VCP: variants seen among roughly 807,000 people sequenced by gnomAD.
VCP encodes the protein transitional endoplasmic reticulum ATPase.
VCP carries 6 observed loss-of-function variants against 85.7 expected under a neutral mutation model. The ratio of observed to expected loss-of-function variants is 0.07; its 90% CI spans 0.04 to 0.14. The LOEUF is 0.14. Among genes scored for constraint, VCP ranks in the 10% least tolerant of loss-of-function variants. VCP has a pLI of 1.00. For synonymous variants in VCP, 384 were observed against 367.1 expected (o/e 1.05, Z -0.53); for missense variants, 353 against 1,043.4 (o/e 0.34, Z 9.12).
intron 15 of VCP, 96 bp downstream of exon 15, chr9:35,058,968 C>T: frequency 6.4e-7 from 1 of 1,550,918 alleles, no homozygotes. Flanking sequence ...GTTAGATGAT[C>T]TTTCCAACAG....
At chr9:35,062,623 T>C (rs1414275686) in intron 7 of VCP, among the ~76,000 whole-genome samples, 1 of 152,094 alleles carries the variant, frequency 6.6e-6, no homozygotes, top group Non-Finnish European at 1.5e-5. Flanking sequence ...GCAAGAGAGA[T>C]GGCACACCAG....
chr9:35,059,330 C>T lies in VCP; in HGVS notation c.2005-111G>A, dbSNP rs1048546678. On this transcript the variant is annotated intron_variant, in intron 14 of 16. Transcript: ENST00000358901. The surrounding 1 kb of genome is among the most constrained non-coding windows in gnomAD (Gnocchi z 4.9). ...ACAGTTTGCCCCTTCTTTGGCCACC[C>T]CATTTTATTCCTGATTCTAGATTAT... 6 of 1,545,242 alleles carry T rather than the reference C, an allele frequency of 3.9e-6. No individual in the cohort carries two copies. The highest frequency in any genetic ancestry group is 5.3e-6 in the Non-Finnish European group (6 of 1,137,120).
intron 16 of VCP, 54 bp from the exon 17 acceptor site, chr9:35,057,276 T>C: frequency 6.2e-7 from 1 of 1,613,628 alleles, no homozygotes; most frequent in Admixed American, 1.7e-5. Flanking sequence ...CTGTGTAAGA[T>C]TTCCACAACT....
chr9:35,061,238 CAG>C, intron 10 of VCP, 59 bp from the exon 11 acceptor site: 16 of 1,607,960 alleles, frequency 1.0e-5, no homozygotes, highest in Non-Finnish European at 1.3e-5. Context: ...GCAGGAGGCT[CAG>C]AGACAATAGA....
In VCP at chr9:35,059,598, G is replaced by A; in HGVS notation, c.1899C>T (p.Ile633=). 1.2e-6 allele frequency: 2 copies of A among 1,614,164 alleles called. No individual in the cohort carries two copies. Reference sequence around the variant, plus strand: ...GCTGATCAAGACGGCCAGGTCTGAGGATGGCAGGATCAATGATGTCAGGCC... The same window carrying A: ...GCTGATCAAGACGGCCAGGTCTGAGAATGGCAGGATCAATGATGTCAGGCC... ...TNRPDIIDPA[I]LRPGRLDQLI... The change falls in exon 14 of 17, where the codon ATC becomes ATT. Residue 633 remains isoleucine, a synonymous_variant. Coordinates refer to ENST00000358901, the MANE Select transcript of VCP (RefSeq NM_007126.5). The surrounding 1 kb of genome is among the most constrained non-coding windows in gnomAD (Gnocchi z 4.9).
chr9:35,071,636 C>A (rs1828947351), intron 1 of VCP: 17 of 900,026 alleles, frequency 1.9e-5, no homozygotes, highest in Non-Finnish European at 2.3e-5. Flanking sequence ...TTAAGGAAAA[C>A]TGGCTCAAAC....
rs574719362 is a variant in VCP, at chr9:35,057,799, T to C, written c.2161-269A>G. On this transcript the variant is annotated intron_variant, in intron 15 of 16. Coordinates refer to ENST00000358901, the MANE Select transcript of VCP (RefSeq NM_007126.5). The stretch of plus-strand genomic sequence containing the variant: ...GTTGACTGAAGTGGCTAAGGAAACT[T>C]TTTGAGATAGTAGAAATTTTAAGTC... 175 of 524,320 alleles carry C rather than the reference T, an allele frequency of 3.3e-4. 1 individual carries two copies. Among genetic ancestry groups the C allele is most frequent in the Non-Finnish European group, 3.1e-5 (9 of 289,792 alleles). The allele number at this position is 524,320 out of a possible 1,614,324, so 32.5% of individuals were successfully genotyped here. A position where few individuals can be genotyped will look rare whatever the true frequency, so the allele number is the denominator to read the frequency against.
In VCP at chr9:35,072,134, C is replaced by T; in HGVS notation, c.17+203G>A. ...TCCGACCCGGACCCAACGCAAGCCC[C>T]GCCTAGGGGGCGCGCGGGTGCGCAG... On this transcript the variant is annotated intron_variant, in intron 1 of 16. Transcript: ENST00000358901. 4 of 1,384,330 alleles carry T rather than the reference C, an allele frequency of 2.9e-6. No homozygotes were observed. The South Asian group carries it at 6.2e-5, about 21-fold the overall frequency. 85.8% of individuals were successfully genotyped at this position (1,384,330 alleles called of 1,614,324 possible). A position where few individuals can be genotyped will look rare whatever the true frequency, so the allele number is the denominator to read the frequency against.
At position 35,070,338 on chromosome 9, in the gene VCP, T is replaced by C. The variant is rs185509438; in HGVS notation, c.18-1976A>G. ...AAACCCACGAGCTCTCCCACTCCTG[T>C]CCCATCAAAATACTCTTCCAGGGAC... On this transcript the variant is annotated intron_variant, in intron 1 of 16. Transcript: ENST00000358901. Among the ~76,000 whole-genome samples the C allele has an allele frequency of 7.7e-3, 1,169 of 152,272 alleles. 9 individuals are homozygous for C. Among genetic ancestry groups the C allele is most frequent in the Non-Finnish European group, 0.01 (690 of 68,018 alleles).
In VCP at chr9:35,059,317, T is replaced by G. The variant is rs1587119899; in HGVS notation, c.2005-98A>C. On this transcript the variant is annotated intron_variant, in intron 14 of 16. Transcript: ENST00000358901. This position sits in a 1 kb window ranked among gnomAD's most constrained non-coding sequence, Gnocchi z 4.9. ...AGCACTCCCAACTACAGTTTGCCCC[T>G]TCTTTGGCCACCCCATTTTATTCCT... The G allele has an allele frequency of 6.4e-7, 1 of 1,570,940 alleles. No individual in the cohort carries two copies. The highest frequency in any genetic ancestry group is 1.9e-5 in the Admixed American group (1 of 53,834).
Position 35,059,444 on chromosome 9 carries a change from A to G in VCP, c.2004+49T>C. 1.2e-6 allele frequency: 2 copies of G among 1,608,012 alleles called. No individual in the cohort carries two copies. The highest frequency in any genetic ancestry group is 1.7e-6 in the Non-Finnish European group (2 of 1,176,722). On this transcript the variant is annotated intron_variant, in intron 14 of 16. Coordinates refer to ENST00000358901, the MANE Select transcript of VCP (RefSeq NM_007126.5). This position sits in a 1 kb window ranked among gnomAD's most constrained non-coding sequence, Gnocchi z 4.9. The stretch of plus-strand genomic sequence containing the variant: ...CAGAAACTAAAGAGCACTCCGTACC[A>G]GCCTGAGGACTCATGCAAGTCTCCC...
intron 12 of VCP, 57 bp downstream of exon 12, chr9:35,060,744 C>T (rs1828705316): frequency 1.2e-6 from 2 of 1,613,720 alleles, no homozygotes; most frequent in Non-Finnish European, 1.7e-6. Flanking sequence ...CCTGAGATCA[C>T]CCAGATCAAT....
chr9:35,069,516 G>A lies in VCP; in HGVS notation c.18-1154C>T, dbSNP rs187072010. Among the ~76,000 whole-genome samples, 194 of 144,216 alleles carry A rather than the reference G, an allele frequency of 1.3e-3. 2 individuals are homozygous for A. The highest frequency in any genetic ancestry group is 4.9e-3 in the African/African-American group (188 of 38,404). 94.6% of individuals were successfully genotyped at this position (144,216 alleles called of 152,430 possible). On this transcript the variant is annotated intron_variant, in intron 1 of 16. Transcript: ENST00000358901. ...TGTCCAGGCTGGAATGCAATGCTGCGATCTCAGCTAACTGCAACCTCCACC... is the reference window on the plus strand; with the variant it reads ...TGTCCAGGCTGGAATGCAATGCTGCAATCTCAGCTAACTGCAACCTCCACC...
At position 35,061,506 on chromosome 9, in the gene VCP, T is replaced by C. The variant is rs2074549; in HGVS notation, c.1194+71A>G. The C allele has an allele frequency of 0.07, 97,981 of 1,397,250 alleles. 5,927 individuals carry two copies. The highest frequency in any genetic ancestry group is 0.34 in the East Asian group (14,984 of 43,864). The allele number at this position is 1,397,250 out of a possible 1,614,324, so 86.6% of individuals were successfully genotyped here. On this transcript the variant is annotated intron_variant, in intron 10 of 16. Coordinates refer to ENST00000358901, the MANE Select transcript of VCP (RefSeq NM_007126.5). Reference sequence around the variant, plus strand: ...CCCATCTCCTCACATCTTAACCTTATGTCTCTAGCCAGTTCCCAGCAACTG... The same window carrying C: ...CCCATCTCCTCACATCTTAACCTTACGTCTCTAGCCAGTTCCCAGCAACTG...
At chr9:35,071,270 TAG>T (rs939657330) in intron 1 of VCP, among the ~76,000 whole-genome samples, 4 of 148,708 alleles carry the variant, frequency 2.7e-5, no homozygotes, top group Non-Finnish European at 4.4e-5. Context: ...GTAATTTGCA[TAG>T]AGTTTCCTTG....
At position 35,057,079 on chromosome 9, in the gene VCP, C is replaced by T. The variant is rs1404822207; in HGVS notation, c.*38G>A. On this transcript the variant is annotated 3_prime_UTR_variant, in exon 17 of 17. Coordinates refer to ENST00000358901, the MANE Select transcript of VCP (RefSeq NM_007126.5). Reference sequence around the variant, plus strand: ...CGCCCCCACCCCCAGGGAACAAGGTCCAGGCAGGCCAGCTCACTGCACGCT... The same window carrying T: ...CGCCCCCACCCCCAGGGAACAAGGTTCAGGCAGGCCAGCTCACTGCACGCT... The T allele has an allele frequency of 6.2e-7, 1 of 1,608,864 alleles. No individual in the cohort carries two copies.
At position 35,056,759 on chromosome 9, in the gene VCP, T is replaced by A. The variant is rs532060742; in HGVS notation, c.*358A>T. On this transcript the variant is annotated 3_prime_UTR_variant, in exon 17 of 17. Coordinates refer to ENST00000358901, the MANE Select transcript of VCP (RefSeq NM_007126.5). ...GGGGGAAGGGAGGGCTCGGGCAGCA[T>A]TGAGTCAAGTGCAGATGCTTTACTG... The A allele has an allele frequency of 5.9e-6, 2 of 337,244 alleles. No homozygotes were observed. Among genetic ancestry groups the A allele is most frequent in the South Asian group, 5.2e-5 (2 of 38,628 alleles). The allele number at this position is 337,244 out of a possible 1,614,324, so 20.9% of individuals were successfully genotyped here. A position where few individuals can be genotyped will look rare whatever the true frequency, so the allele number is the denominator to read the frequency against.
chr9:35,066,586 A>G, intron 4 of VCP, 89 bp downstream of exon 4: 1 of 1,509,540 alleles, frequency 6.6e-7, no homozygotes. Context: ...AAGATTTAAA[A>G]AAAAAAAAAG....
chr9:35,070,975 G>A (rs1828929619), intron 1 of VCP, among the ~76,000 whole-genome samples: 1 of 152,166 alleles, frequency 6.6e-6, no homozygotes, highest in Non-Finnish European at 1.5e-5. Context: ...TTCTGTATAA[G>A]TCAATCCCTT....
Sources: gnomAD v4.1 joint callset for allele counts (sites outside exome capture counted in the v4.1 genomes callset) on GRCh38, gnomAD v4.1.1 for gene constraint, Gnocchi (gnomAD v3.1) non-coding constraint, MANE v1.5 for transcripts, NCBI Gene and HGNC (gene_info 2026-07-23, HGNC 2026-07-21) for gene names.